FNIP1: variants seen among roughly 807,000 people sequenced by gnomAD.
FNIP1 encodes the protein folliculin interacting protein 1.
Under a neutral mutation model 124.5 loss-of-function variants are expected in FNIP1, and 40 were observed. The observed-to-expected ratio is 0.32, with a 90% confidence interval of 0.25 to 0.42. FNIP1 has a LOEUF of 0.42. Among genes scored for constraint, FNIP1 ranks in the 10% least tolerant of loss-of-function variants. The probability of loss-of-function intolerance (pLI) is 1.00; values close to 1 mark genes in which losing one functional copy is unlikely to be tolerated. For missense variants in FNIP1, 1,176 were observed against 1,403.7 expected (o/e 0.84, Z 2.59); for synonymous variants, 472 against 470.6 (o/e 1.00, Z -0.04).
chr5:131,661,209 T>C (rs984964500), intron 15 of FNIP1, among the ~76,000 whole-genome samples: 3 of 132,272 alleles, frequency 2.3e-5, no homozygotes, highest in African/African-American at 8.5e-5. Context: ...TCTGTCCGTC[T>C]TGTCTTTGTT....
chr5:131,794,754 G>A (rs1015192030), intron 1 of FNIP1, among the ~76,000 whole-genome samples: 1 of 152,156 alleles, frequency 6.6e-6, no homozygotes, highest in African/African-American at 2.4e-5. Flanking sequence ...GCGTGGTCAC[G>A]CCACTGTACT....
chr5:131,796,439 A>C, intron 1 of FNIP1: 1 of 212,104 alleles, frequency 4.7e-6, no homozygotes, highest in Non-Finnish European at 9.5e-6. Context: ...GGAGGAGGGG[A>C]GAACTTCGCG....
At chr5:131,745,018 G>A (rs1770629604) in intron 1 of FNIP1, among the ~76,000 whole-genome samples, 2 of 151,768 alleles carry the variant, frequency 1.3e-5, no homozygotes, top group Admixed American at 1.3e-4. Context: ...CTGATTTCAT[G>A]TCATGGACCA....
At chr5:131,738,206 G>A (rs1406914267) in intron 2 of FNIP1, among the ~76,000 whole-genome samples, 2 of 152,042 alleles carry the variant, frequency 1.3e-5, no homozygotes, top group Non-Finnish European at 2.9e-5. Context: ...ATGGATAAGG[G>A]AGAGGATCTT....
rs1029806432 is a variant in FNIP1, at chr5:131,672,798, T to G, written c.1646A>C (p.Gln549Pro). 6.2e-7 allele frequency: 1 copy of G among 1,613,616 alleles called. No homozygotes were observed. The highest frequency in any genetic ancestry group is 8.5e-7 in the Non-Finnish European group (1 of 1,179,922). The change falls in exon 14 of 18, where the codon CAA (glutamine) becomes CCA (proline). Residue 549 changes from glutamine to proline, a missense_variant. Around this residue, in one of 2 missense-constraint regions of FNIP1, gnomAD observed 1,109 missense variants for 1,288.5 expected, o/e 0.86. Coordinates refer to ENST00000510461, the MANE Select transcript of FNIP1 (RefSeq NM_133372.3). Reference protein sequence around the residue: ...LTYFIRCSELQETHLLENGED... With the variant: ...LTYFIRCSELPETHLLENGED... ...TCCATTTTCTAAAAGATGCGTTTCT[T>G]GAAGTTCAGAGCATCTTATAAAATA...
At chr5:131,762,900 G>A (rs1367655922) in intron 1 of FNIP1, among the ~76,000 whole-genome samples, 2 of 152,128 alleles carry the variant, frequency 1.3e-5, no homozygotes, top group East Asian at 1.9e-4. Context: ...GGTCATTATG[G>A]TGAAATAAGC....
rs1248134428 is a variant in FNIP1 at position 131,682,208 on chromosome 5, A to G, written c.1203-3033T>C. 2.0e-5 allele frequency among the ~76,000 whole-genome samples: 3 copies of G among 152,342 alleles called. No individual in the cohort carries two copies. The East Asian group carries it at 5.8e-4, about 29-fold the overall frequency. ...GAGTTTCTTCAGCATATTACCGTCT[A>G]CTATAAGTCCATGTGTCATTGCACA... On this transcript the variant is annotated intron_variant, in intron 11 of 17. Transcript: ENST00000510461.
At chr5:131,731,586 G>A (rs1408299920) in intron 2 of FNIP1, among the ~76,000 whole-genome samples, 2 of 151,658 alleles carry the variant, frequency 1.3e-5, no homozygotes, top group African/African-American at 2.4e-5. Context: ...CCTGGGAAGT[G>A]AGCTGAGACT....
chr5:131,705,011 T>TA (rs1448861054), intron 9 of FNIP1, among the ~76,000 whole-genome samples: 4 of 151,954 alleles, frequency 2.6e-5, no homozygotes, highest in South Asian at 2.1e-4. Flanking sequence ...CCACAGAATG[T>TA]AAAAAAAATT....
intron 1 of FNIP1, 24 bp downstream of exon 1, chr5:131,796,806 G>C (rs1457735353): frequency 2.6e-6 from 4 of 1,556,222 alleles, no homozygotes; most frequent in Non-Finnish European, 3.5e-6. Context: ...TCGGCTCCGC[G>C]ACCCCCGCCC....
At chr5:131,662,187 A>G (rs1005874207) in intron 15 of FNIP1, among the ~76,000 whole-genome samples, 9 of 152,276 alleles carry the variant, frequency 5.9e-5, no homozygotes, top group African/African-American at 2.2e-4. Flanking sequence ...AAAAGGTCCC[A>G]TCTCTATAGG....
rs527815543 is a variant in FNIP1 at position 131,719,226 on chromosome 5, A to C, written c.455+91T>G. The C allele has an allele frequency of 1.5e-5, 18 of 1,234,940 alleles. No individual in the cohort carries two copies. The African/African-American group carries it at 2.6e-4, about 18-fold the overall frequency. 76.5% of individuals were successfully genotyped at this position (1,234,940 alleles called of 1,614,324 possible). ...ATGTTAAATGGAGTATGACAAGCTC[A>C]ATCTGAGTGAAGATCATATAAAATT... On this transcript the variant is annotated intron_variant, in intron 4 of 17. Coordinates refer to ENST00000510461, the MANE Select transcript of FNIP1 (RefSeq NM_133372.3).
chr5:131,795,565 T>G (rs1391175033), intron 1 of FNIP1: 1 of 152,210 alleles, frequency 6.6e-6, no homozygotes. Context: ...CACTTTCATT[T>G]TTCAAAGGAA....
chr5:131,788,917 A>G (rs977277553), intron 1 of FNIP1, among the ~76,000 whole-genome samples: 6 of 152,192 alleles, frequency 3.9e-5, no homozygotes, highest in African/African-American at 1.4e-4. Flanking sequence ...TCTACTGAAT[A>G]TATATCCAAA....
At chr5:131,654,201 T>G (rs1265769378) in intron 15 of FNIP1, among the ~76,000 whole-genome samples, 1 of 152,200 alleles carries the variant, frequency 6.6e-6, no homozygotes, top group East Asian at 1.9e-4. Context: ...AGACCAAAAA[T>G]GACAATTAAG....
chr5:131,672,274 A>T lies in FNIP1; in HGVS notation c.2170T>A (p.Ser724Thr). The T allele has an allele frequency of 6.2e-6, 10 of 1,614,066 alleles. No homozygotes were observed. Among genetic ancestry groups the T allele is most frequent in the Non-Finnish European group, 7.6e-6 (9 of 1,180,020 alleles). The change falls in exon 14 of 18, where the codon TCC (serine) becomes ACC (threonine). Residue 724 changes from serine to threonine, a missense_variant. By Grantham distance (58) the Ser-to-Thr change is moderately conservative. Coordinates refer to ENST00000510461, the MANE Select transcript of FNIP1 (RefSeq NM_133372.3). ...SDSHTGKAMRSTGMVVEKKPP... is the reference protein window; with the variant it reads ...SDSHTGKAMRTTGMVVEKKPP... Reference sequence around the variant, plus strand: ...TTTTTTTCCACAACCATTCCTGTGGATCTCATTGCTTTGCCTGTGTGACTG... The same window carrying T: ...TTTTTTTCCACAACCATTCCTGTGGTTCTCATTGCTTTGCCTGTGTGACTG...
chr5:131,721,649 T>C (rs1198931761), intron 3 of FNIP1, among the ~76,000 whole-genome samples: 1 of 152,126 alleles, frequency 6.6e-6, no homozygotes, highest in Admixed American at 6.6e-5. Flanking sequence ...ATACAAAAAA[T>C]TAGCTGGGCA....
chr5:131,715,295 G>A (rs780996874), intron 6 of FNIP1, among the ~76,000 whole-genome samples: 13 of 152,148 alleles, frequency 8.5e-5, no homozygotes, highest in Non-Finnish European at 4.4e-5. Flanking sequence ...AGAACAGCCT[G>A]GCCAACACAT....
chr5:131,747,663 T>C (rs1334433450), intron 1 of FNIP1, among the ~76,000 whole-genome samples: 2 of 152,080 alleles, frequency 1.3e-5, no homozygotes, highest in African/African-American at 2.4e-5. Context: ...TTGGTGACCA[T>C]AGCAAGGACA....
Sources: gnomAD v4.1 joint callset for allele counts (sites outside exome capture counted in the v4.1 genomes callset) on GRCh38, gnomAD v4.1.1 for gene constraint, gnomAD v4.1.1 regional missense constraint, MANE v1.5 for transcripts, NCBI Gene and HGNC (gene_info 2026-07-23, HGNC 2026-07-21) for gene names.